CSNK1G2: variants seen among roughly 807,000 people sequenced by gnomAD.
The protein encoded by CSNK1G2 is casein kinase 1 gamma 2.
In CSNK1G2, 11 loss-of-function variants were observed where a neutral mutation model predicts 48.0. The ratio of observed to expected loss-of-function variants is 0.23; its 90% CI spans 0.14 to 0.38. The LOEUF (loss-of-function observed/expected upper bound fraction) is 0.38, where lower values mean the gene tolerates loss of function less well. Ranked by LOEUF, CSNK1G2 falls within the 10% of genes least tolerant of loss-of-function variation. The probability of loss-of-function intolerance (pLI) is 1.00; values close to 1 mark genes in which losing one functional copy is unlikely to be tolerated. For synonymous variants in CSNK1G2, 337 were observed against 254.1 expected (o/e 1.33, Z -3.10); for missense variants, 446 against 595.5 (o/e 0.75, Z 2.61).
chr19:1,953,056 G>A (rs943206953), intron 1 of CSNK1G2: 2 of 399,192 alleles, frequency 5.0e-6, no homozygotes, highest in Non-Finnish European at 4.8e-6. Flanking sequence ...GCCCACCCAG[G>A]TTTTCCACGG....
chr19:1,948,426 G>T (rs1442984506), intron 1 of CSNK1G2, among the ~76,000 whole-genome samples: 1 of 151,980 alleles, frequency 6.6e-6, no homozygotes, highest in Non-Finnish European at 1.5e-5. Flanking sequence ...GGGAGGCTGA[G>T]GGAGGAGAAT....
chr19:1,947,044 G>A lies in CSNK1G2; in HGVS notation c.-266+5626G>A, dbSNP rs116839245. Among the ~76,000 whole-genome samples, 14 of 152,332 alleles carry A rather than the reference G, an allele frequency of 9.2e-5. No individual in the cohort carries two copies. The South Asian group carries it at 1.0e-3, about 11-fold the overall frequency. ...GCTGGGATTACAGGCGTGAGCCACC[G>A]TGCCCGGCCCTATCGCTATTTAAAA... On this transcript the variant is annotated intron_variant, in intron 1 of 11. Coordinates refer to ENST00000255641, the MANE Select transcript of CSNK1G2 (RefSeq NM_001319.7).
intron 2 of CSNK1G2, among the ~76,000 whole-genome samples, chr19:1,977,291 G>C (rs990318160): frequency 2.0e-5 from 3 of 152,214 alleles, no homozygotes; most frequent in Admixed American, 6.5e-5. Flanking sequence ...CCAGGGCCGT[G>C]TGCCTGCAGG....
rs1042178316 is a variant in CSNK1G2 at position 1,978,123 on chromosome 19, C to G, written c.188-182C>G. On this transcript the variant is annotated intron_variant, in intron 2 of 11. Coordinates refer to ENST00000255641, the MANE Select transcript of CSNK1G2 (RefSeq NM_001319.7). The surrounding 1 kb of genome is among the most constrained non-coding windows in gnomAD (Gnocchi z 7.3). The stretch of plus-strand genomic sequence containing the variant: ...GGGCAGGGTGCAGGTGTCGGGATGA[C>G]TTGGCAGGCCATGGTGCAGTGCTCT... 6.6e-5 allele frequency among the ~76,000 whole-genome samples: 10 copies of G among 151,998 alleles called. 1 individual carries two copies. Among genetic ancestry groups the G allele is most frequent in the Admixed American group, 3.9e-4 (6 of 15,266 alleles).
At chr19:1,951,140 G>A (rs908549550) in intron 1 of CSNK1G2, among the ~76,000 whole-genome samples, 3 of 145,778 alleles carry the variant, frequency 2.1e-5, no homozygotes, top group Non-Finnish European at 4.5e-5. Flanking sequence ...GGTGGCTCAC[G>A]CCTGTAATCC....
chr19:1,975,142 C>T (rs1015273417), intron 2 of CSNK1G2: 3 of 985,378 alleles, frequency 3.0e-6, no homozygotes, highest in Non-Finnish European at 2.4e-6. Context: ...GACCCCATCA[C>T]CATCAGATGC....
At chr19:1,947,820 G>A (rs1033348078) in intron 1 of CSNK1G2, among the ~76,000 whole-genome samples, 4 of 152,214 alleles carry the variant, frequency 2.6e-5, no homozygotes, top group South Asian at 2.1e-4. Flanking sequence ...GGAGAGGGGC[G>A]CTGTGTGGGG....
At chr19:1,953,854 C>T (rs1171370255) in intron 1 of CSNK1G2, 6 of 532,930 alleles carry the variant, frequency 1.1e-5, no homozygotes, top group African/African-American at 3.8e-5. Flanking sequence ...TGGACTCTTG[C>T]CTTTGCTGAT....
intron 1 of CSNK1G2, chr19:1,952,915 T>C: frequency 2.2e-6 from 1 of 451,036 alleles, no homozygotes; most frequent in Non-Finnish European, 4.3e-6. Flanking sequence ...GGTGACTGCC[T>C]TCGAGTGGAG....
intron 2 of CSNK1G2, among the ~76,000 whole-genome samples, chr19:1,974,404 A>G (rs1006650953): frequency 6.6e-6 from 1 of 152,178 alleles, no homozygotes; most frequent in Non-Finnish European, 1.5e-5. Context: ...CCACGAGGGC[A>G]GCGACTCAGA....
chr19:1,943,653 G>T (rs1024572731), intron 1 of CSNK1G2, among the ~76,000 whole-genome samples: 1 of 151,672 alleles, frequency 6.6e-6, no homozygotes. Context: ...ACTGGTGGGG[G>T]TTACCGCGCG....
rs534024338 is a variant in CSNK1G2, at chr19:1,947,043, C to G, written c.-266+5625C>G. ...AGCTGGGATTACAGGCGTGAGCCAC[C>G]GTGCCCGGCCCTATCGCTATTTAAA... On this transcript the variant is annotated intron_variant, in intron 1 of 11. Transcript: ENST00000255641. Among the ~76,000 whole-genome samples the G allele has an allele frequency of 8.7e-4, 132 of 152,080 alleles. 1 individual carries two copies. Among genetic ancestry groups the G allele is most frequent in the Non-Finnish European group, 1.5e-3 (104 of 67,992 alleles).
chr19:1,973,804 A>G (rs1478473762), intron 2 of CSNK1G2, among the ~76,000 whole-genome samples: 1 of 151,898 alleles, frequency 6.6e-6, no homozygotes, highest in Non-Finnish European at 1.5e-5. Flanking sequence ...TTTCCTTTAA[A>G]TCTTTGAACA....
intron 1 of CSNK1G2, among the ~76,000 whole-genome samples, chr19:1,967,733 T>C (rs12974105): frequency 0.2 from 7,730 of 38,500 alleles, 431 homozygotes; most frequent in African/African-American, 0.33. Flanking sequence ...GGGCTCCTCC[T>C]TCCTCCCTCC....
intron 1 of CSNK1G2, among the ~76,000 whole-genome samples, chr19:1,963,204 A>G (rs574460624): frequency 2.0e-5 from 3 of 152,214 alleles, no homozygotes; most frequent in Admixed American, 1.3e-4. Context: ...TAAAATATAC[A>G]GTACTCTCGT....
At chr19:1,962,096 G>A (rs1018924516) in intron 1 of CSNK1G2, among the ~76,000 whole-genome samples, 28 of 152,162 alleles carry the variant, frequency 1.8e-4, no homozygotes, top group African/African-American at 2.7e-4. Flanking sequence ...TTGGGAGGCC[G>A]AGGCAGGCGG....
At chr19:1,949,666 G>C (rs895595095) in intron 1 of CSNK1G2, among the ~76,000 whole-genome samples, 1 of 152,222 alleles carries the variant, frequency 6.6e-6, no homozygotes, top group African/African-American at 2.4e-5. Context: ...GGCCACTCCC[G>C]GTTGGACCAT....
Position 1,941,218 on chromosome 19 carries a change from G to C in CSNK1G2, c.-466G>C, listed in dbSNP as rs1453050138. On this transcript the variant is annotated 5_prime_UTR_variant, in exon 1 of 12. Transcript: ENST00000255641. ...CGCGGGCCCCGGAGCGGGCGCGGCGGAGCGCGGCGAGCCCGGCGCCTCCCG... is the reference window on the plus strand; with the variant it reads ...CGCGGGCCCCGGAGCGGGCGCGGCGCAGCGCGGCGAGCCCGGCGCCTCCCG... The C allele has an allele frequency of 6.8e-6, 1 of 146,218 alleles. No individual in the cohort carries two copies. Among genetic ancestry groups the C allele is most frequent in the Non-Finnish European group, 1.5e-5 (1 of 65,762 alleles). 9.1% of individuals were successfully genotyped at this position (146,218 alleles called of 1,614,324 possible).
At position 1,979,520 on chromosome 19, in the gene CSNK1G2, T is replaced by C; in HGVS notation, c.879T>C (p.Tyr293=). ...AGGAGATGGCCACGTACCTGCGCTA[T>C]GTGCGGCGCCTGGACTTCTTCGAGA... ...FPEEMATYLR[Y]VRRLDFFEKP... Residue 293 remains tyrosine (Y), a synonymous_variant, in exon 9 of 12, where the codon TAT becomes TAC. Transcript: ENST00000255641. 6.4e-7 allele frequency: 1 copy of C among 1,573,018 alleles called. No individual in the cohort carries two copies. The highest frequency in any genetic ancestry group is 8.6e-7 in the Non-Finnish European group (1 of 1,159,688).
Sources: gnomAD v4.1 joint callset for allele counts (sites outside exome capture counted in the v4.1 genomes callset) on GRCh38, gnomAD v4.1.1 for gene constraint, Gnocchi (gnomAD v3.1) non-coding constraint, MANE v1.5 for transcripts, NCBI Gene and HGNC (gene_info 2026-07-23, HGNC 2026-07-21) for gene names.